The following CNTN5 variants were observed in gnomAD, a reference collection of about 807,000 sequenced individuals.
CNTN5 encodes contactin 5.
In CNTN5, 77 loss-of-function variants were observed where a neutral mutation model predicts 129.1. That is an observed-to-expected ratio of 0.60 (90% CI 0.50 to 0.72). The LOEUF (loss-of-function observed/expected upper bound fraction) is 0.72, where lower values mean the gene tolerates loss of function less well. CNTN5 is among the 30% of genes least tolerant of loss of function. The probability of loss-of-function intolerance (pLI) is 0.00; values close to 1 mark genes in which losing one functional copy is unlikely to be tolerated. For missense variants in CNTN5, 1,478 were observed against 1,328.8 expected, an observed-to-expected ratio of 1.11 and a Z score of -1.75; for synonymous variants, 509 against 465.6, an observed-to-expected ratio of 1.09 and a Z score of -1.20.
At chr11:99,955,766 A>C (rs1160620421) in intron 7 of CNTN5, among the ~76,000 whole-genome samples, 1 of 151,778 alleles carries the variant, frequency 6.6e-6, no homozygotes, top group Non-Finnish European at 1.5e-5. Flanking sequence ...GGGTTTCACC[A>C]TGTTAGCCAG....
At chr11:99,042,790 G>GAATA (rs1864057181) in intron 1 of CNTN5, among the ~76,000 whole-genome samples, 1 of 148,660 alleles carries the variant, frequency 6.7e-6, no homozygotes, top group African/African-American at 2.6e-5. Context: ...ATGAATGAAT[G>GAATA]TGGATGAGCA....
chr11:99,874,766 A>C (rs1948590918), intron 6 of CNTN5, among the ~76,000 whole-genome samples: 1 of 152,202 alleles, frequency 6.6e-6, no homozygotes, highest in Non-Finnish European at 1.5e-5. Context: ...TTTACTTGAT[A>C]AAAAAGTAAT....
intron 1 of CNTN5, among the ~76,000 whole-genome samples, chr11:99,104,761 G>A (rs1298966482): frequency 1.3e-5 from 2 of 152,064 alleles, no homozygotes; most frequent in Admixed American, 6.6e-5. Flanking sequence ...GATCAGGACT[G>A]GGGTGAGGTG....
intron 1 of CNTN5, among the ~76,000 whole-genome samples, chr11:99,268,982 G>A (rs1235482933): frequency 6.6e-6 from 1 of 151,974 alleles, no homozygotes; most frequent in East Asian, 1.9e-4. Flanking sequence ...CATTTGACCT[G>A]TTTTATGCTG....
intron 3 of CNTN5, among the ~76,000 whole-genome samples, chr11:99,574,680 T>C (rs570123556): frequency 7.2e-5 from 11 of 152,220 alleles, no homozygotes; most frequent in Non-Finnish European, 1.6e-4. Context: ...CTTTTTTTCA[T>C]ATCTTTGTTG....
At chr11:99,795,699 G>A (rs976395036) in intron 3 of CNTN5, among the ~76,000 whole-genome samples, 8 of 151,388 alleles carry the variant, frequency 5.3e-5, no homozygotes, top group Non-Finnish European at 5.9e-5. Context: ...GGGGCTTTGA[G>A]TGTGGTATTA....
intron 8 of CNTN5, among the ~76,000 whole-genome samples, chr11:99,984,728 T>A (rs1938564640): frequency 6.6e-6 from 1 of 152,176 alleles, no homozygotes; most frequent in African/African-American, 2.4e-5. Context: ...TACAGCATAT[T>A]TGGAAAATAG....
At chr11:99,244,295 AC>A (rs1490982272) in intron 1 of CNTN5, among the ~76,000 whole-genome samples, 1 of 152,094 alleles carries the variant, frequency 6.6e-6, no homozygotes. Context: ...TGATTTTTGT[AC>A]ATTGATTTTG....
intron 13 of CNTN5, among the ~76,000 whole-genome samples, chr11:100,148,257 C>A (rs1033372825): frequency 6.6e-6 from 1 of 152,106 alleles, no homozygotes; most frequent in African/African-American, 2.4e-5. Flanking sequence ...TGGTCTTGTA[C>A]ATATTGTCAT....
intron 2 of CNTN5, among the ~76,000 whole-genome samples, chr11:99,512,203 T>C (rs1164816263): frequency 1.3e-5 from 2 of 152,162 alleles, no homozygotes; most frequent in Non-Finnish European, 2.9e-5. Flanking sequence ...TTTTCTTTCA[T>C]ACCACATTTT....
Position 100,166,838 on chromosome 11 carries a change from T to C in CNTN5, c.1581-24288T>C, listed in dbSNP as rs183022367. Among the ~76,000 whole-genome samples, 13 of 151,950 alleles carry C rather than the reference T, an allele frequency of 8.6e-5. No individual in the cohort carries two copies. In the East Asian group the frequency reaches 1.6e-3, roughly 18 times the overall value. On this transcript the variant is annotated intron_variant, in intron 13 of 24. Transcript: ENST00000524871. Reference sequence around the variant, plus strand: ...TTAAAAAGGCCTTTCTCTATGAGTTTCTTGGATCAGTTATCTTAGTTTTAG... The same window carrying C: ...TTAAAAAGGCCTTTCTCTATGAGTTCCTTGGATCAGTTATCTTAGTTTTAG...
intron 3 of CNTN5, among the ~76,000 whole-genome samples, chr11:99,670,873 C>T (rs1953006273): frequency 6.6e-6 from 1 of 152,108 alleles, no homozygotes; most frequent in Non-Finnish European, 1.5e-5. Flanking sequence ...TTAAGCAGTG[C>T]CTACTTGATA....
intron 18 of CNTN5, among the ~76,000 whole-genome samples, chr11:100,297,097 C>T (rs1951113519): frequency 6.6e-6 from 1 of 151,486 alleles, no homozygotes. Context: ...CAGAGAGATT[C>T]ATTCTTGACA....
chr11:99,610,166 G>C (rs1950552285), intron 3 of CNTN5, among the ~76,000 whole-genome samples: 1 of 152,122 alleles, frequency 6.6e-6, no homozygotes, highest in South Asian at 2.1e-4. Context: ...TTAGCATAAT[G>C]TATGACATAC....
chr11:99,476,658 T>C (rs1945383069), intron 2 of CNTN5, among the ~76,000 whole-genome samples: 1 of 152,138 alleles, frequency 6.6e-6, no homozygotes, highest in Non-Finnish European at 1.5e-5. Context: ...AGTGGTCAGA[T>C]TGGGGCCCAA....
chr11:100,247,977 A>G (rs11223395), intron 16 of CNTN5, among the ~76,000 whole-genome samples: 3,778 of 152,176 alleles, frequency 0.025, 157 homozygotes, highest in African/African-American at 0.084. Context: ...GACAGTAGCT[A>G]AACCTCCTTT....
At chr11:99,793,354 C>T (rs1006797469) in intron 3 of CNTN5, among the ~76,000 whole-genome samples, 2 of 152,190 alleles carry the variant, frequency 1.3e-5, no homozygotes, top group Middle Eastern at 3.4e-3. Context: ...CCACTGTGCC[C>T]GGCTCTATCT....
chr11:99,645,760 G>A (rs1276840881), intron 3 of CNTN5, among the ~76,000 whole-genome samples: 15 of 132,980 alleles, frequency 1.1e-4, no homozygotes, highest in African/African-American at 2.7e-4. Flanking sequence ...AGAACACATC[G>A]CCACAGGGAG....
intron 3 of CNTN5, among the ~76,000 whole-genome samples, chr11:99,671,708 C>G (rs769178830): frequency 2.0e-5 from 3 of 151,700 alleles, no homozygotes; most frequent in Non-Finnish European, 2.9e-5. Context: ...CTGAAGTGTC[C>G]CACAAAATTC....
Sources: allele counts gnomAD v4.1 joint callset (sites outside exome capture counted in the v4.1 genomes callset), GRCh38; gene constraint gnomAD v4.1.1; transcripts MANE v1.5; gene names NCBI Gene and HGNC (gene_info 2026-07-23, HGNC 2026-07-21).